TAFA5: variants seen among roughly 807,000 people sequenced by gnomAD.
TAFA5 encodes chemokine-like protein TAFA-5.
TAFA5 carries 6 observed loss-of-function variants against 15.3 expected under a neutral mutation model. That is an observed-to-expected ratio of 0.39 (90% CI 0.21 to 0.77). The LOEUF is 0.77. Ranked by LOEUF, TAFA5 falls within the 30% of genes least tolerant of loss-of-function variation. The pLI, the probability that TAFA5 is intolerant of heterozygous loss-of-function variation, is 0.41. For synonymous variants in TAFA5, 103 were observed against 80.7 expected (o/e 1.28, Z -1.48); for missense variants, 161 against 193.1 (o/e 0.83, Z 0.98).
intron 1 of TAFA5, among the ~76,000 whole-genome samples, chr22:48,522,220 C>T (rs1170617373): frequency 6.6e-6 from 1 of 151,998 alleles, no homozygotes; most frequent in African/African-American, 2.4e-5. Flanking sequence ...TCCCTCTGTC[C>T]CCTGCGTCTA....
intron 1 of TAFA5, among the ~76,000 whole-genome samples, chr22:48,582,008 G>A (rs73890915): frequency 0.015 from 2,261 of 152,190 alleles, 51 homozygotes; most frequent in African/African-American, 0.049. Context: ...GCTCACACAC[G>A]CACCCAGTGA....
intron 1 of TAFA5, among the ~76,000 whole-genome samples, chr22:48,520,322 A>G (rs1000526263): frequency 6.6e-5 from 10 of 152,248 alleles, no homozygotes; most frequent in Non-Finnish European, 1.5e-4. Flanking sequence ...TGAGGGTCCC[A>G]GTACTGACCC....
intron 1 of TAFA5, among the ~76,000 whole-genome samples, chr22:48,532,731 G>A (rs1922015687): frequency 6.6e-6 from 1 of 152,214 alleles, no homozygotes; most frequent in African/African-American, 2.4e-5. Flanking sequence ...GGATGGCACA[G>A]GAGGTCAGGC....
At chr22:48,691,919 C>G (rs1928555279) in intron 2 of TAFA5, among the ~76,000 whole-genome samples, 2 of 152,302 alleles carry the variant, frequency 1.3e-5, no homozygotes, top group African/African-American at 4.8e-5. Flanking sequence ...CATCCTGAGA[C>G]AGCCCCCCTT....
chr22:48,521,325 G>C (rs765203446), intron 1 of TAFA5, among the ~76,000 whole-genome samples: 2 of 152,142 alleles, frequency 1.3e-5, no homozygotes, highest in African/African-American at 2.4e-5. Flanking sequence ...GGAGTGGAAG[G>C]TTCCAGATCA....
At chr22:48,590,530 A>G (rs1316669234) in intron 1 of TAFA5, among the ~76,000 whole-genome samples, 5 of 152,132 alleles carry the variant, frequency 3.3e-5, no homozygotes, top group African/African-American at 1.2e-4. Context: ...CCCGGGAGAC[A>G]CTGTTGTGGC....
At chr22:48,723,374 G>A (rs1242179173) in intron 3 of TAFA5, among the ~76,000 whole-genome samples, 8 of 152,222 alleles carry the variant, frequency 5.3e-5, no homozygotes, top group Middle Eastern at 6.8e-3. Flanking sequence ...AAGATATGGC[G>A]GGTGGCACAG....
At chr22:48,534,269 G>GGTC (rs1215557505) in intron 1 of TAFA5, among the ~76,000 whole-genome samples, 1 of 151,564 alleles carries the variant, frequency 6.6e-6, no homozygotes, top group African/African-American at 2.4e-5. Context: ...AGGTGAGGTG[G>GGTC]ATCAGGCAAT....
At chr22:48,604,627 C>T (rs1381438652) in intron 1 of TAFA5, among the ~76,000 whole-genome samples, 1 of 152,194 alleles carries the variant, frequency 6.6e-6, no homozygotes, top group East Asian at 1.9e-4. Flanking sequence ...GAAATTTCTC[C>T]CATGGAAGGT....
chr22:48,649,781 G>A (rs909665020), intron 2 of TAFA5, among the ~76,000 whole-genome samples: 5 of 152,150 alleles, frequency 3.3e-5, no homozygotes, highest in Admixed American at 1.3e-4. Context: ...GAGGGGGAGA[G>A]CGGTGCCCTG....
intron 2 of TAFA5, among the ~76,000 whole-genome samples, chr22:48,701,421 G>C (rs1928901967): frequency 6.6e-6 from 1 of 152,204 alleles, no homozygotes; most frequent in African/African-American, 2.4e-5. Flanking sequence ...GGTCCACCCA[G>C]GTGCTGTGGG....
intron 1 of TAFA5, among the ~76,000 whole-genome samples, chr22:48,538,511 C>G (rs1445261266): frequency 6.6e-6 from 1 of 152,220 alleles, no homozygotes; most frequent in East Asian, 1.9e-4. Context: ...TGGCCGGAAT[C>G]AGAGCCAGTC....
intron 2 of TAFA5, among the ~76,000 whole-genome samples, chr22:48,703,963 C>T (rs1928997466): frequency 6.6e-6 from 1 of 152,224 alleles, no homozygotes; most frequent in Non-Finnish European, 1.5e-5. Flanking sequence ...CAGCCCAGTC[C>T]CTGCTTCTGG....
intron 2 of TAFA5, among the ~76,000 whole-genome samples, chr22:48,702,696 G>A (rs993678284): frequency 3.3e-5 from 5 of 152,326 alleles, no homozygotes; most frequent in East Asian, 3.9e-4. Context: ...CCCTGGGCAC[G>A]CCGCTTCCCT....
chr22:48,494,225 C>T (rs936385972), intron 1 of TAFA5, among the ~76,000 whole-genome samples: 1 of 152,190 alleles, frequency 6.6e-6, no homozygotes, highest in African/African-American at 2.4e-5. Flanking sequence ...GATAATGTGG[C>T]ACTAGAAAAG....
At chr22:48,628,661 C>T (rs575033560) in intron 1 of TAFA5, among the ~76,000 whole-genome samples, 4 of 152,322 alleles carry the variant, frequency 2.6e-5, no homozygotes, top group South Asian at 4.1e-4. Context: ...CTTGGAGAAG[C>T]AGAGCTGCCA....
intron 1 of TAFA5, chr22:48,576,360 T>G (rs1923800280): frequency 4.6e-5 from 46 of 1,010,890 alleles, no homozygotes; most frequent in East Asian, 4.1e-4. Flanking sequence ...GAGCGCGGCG[T>G]TGGCGGCGGA....
At chr22:48,568,977 C>T (rs897838516) in intron 1 of TAFA5, among the ~76,000 whole-genome samples, 11 of 152,310 alleles carry the variant, frequency 7.2e-5, no homozygotes, top group African/African-American at 2.6e-4. Flanking sequence ...GTGCTCACGG[C>T]CAGGGCTATC....
intron 1 of TAFA5, among the ~76,000 whole-genome samples, chr22:48,574,952 G>A (rs1923709529): frequency 6.6e-6 from 1 of 152,226 alleles, no homozygotes; most frequent in African/African-American, 2.4e-5. Context: ...TTAACAGTGC[G>A]CCCACGCTCT....
Sources: gnomAD v4.1 joint callset for allele counts (sites outside exome capture counted in the v4.1 genomes callset) on GRCh38, gnomAD v4.1.1 for gene constraint, MANE v1.5 for transcripts, NCBI Gene and HGNC (gene_info 2026-07-23, HGNC 2026-07-21) for gene names.